The following NNT variants were observed in gnomAD, a reference collection of about 807,000 sequenced individuals.
NNT encodes nicotinamide nucleotide transhydrogenase, also known as NAD(P) transhydrogenase, mitochondrial.
In NNT, 50 loss-of-function variants were observed where a neutral mutation model predicts 104.8. The observed-to-expected ratio is 0.48, with a 90% CI of 0.38 to 0.60. The LOEUF (loss-of-function observed/expected upper bound fraction) is 0.60. NNT is among the 20% of genes least tolerant of loss of function. NNT has a pLI of 0.00. For missense variants in NNT, 1,131 were observed against 1,330.7 expected (o/e 0.85, Z 2.33); for synonymous variants, 461 against 490.4 (o/e 0.94, Z 0.79).
At chr5:43,617,933 A>G (rs899172733) in intron 4 of NNT, among the ~76,000 whole-genome samples, 3 of 152,224 alleles carry the variant, frequency 2.0e-5, no homozygotes, top group Admixed American at 1.3e-4. Flanking sequence ...TATTGTATCA[A>G]GTATTATTAT....
At chr5:43,644,377 T>TG (rs752349007) in intron 8 of NNT, 52 bp downstream of exon 8, 39 of 1,570,404 alleles carry the variant, frequency 2.5e-5, no homozygotes, top group African/African-American at 1.9e-4. Flanking sequence ...TCTTGAGTTA[T>TG]GGGGGGGTGT....
At chr5:43,657,137 A>G (rs1008881135) in intron 16 of NNT, among the ~76,000 whole-genome samples, 3 of 152,220 alleles carry the variant, frequency 2.0e-5, no homozygotes, top group African/African-American at 7.2e-5. Context: ...GGTGCCTACT[A>G]TATGACAAGC....
At chr5:43,609,964 C>G (rs1470865869) in intron 2 of NNT, among the ~76,000 whole-genome samples, 2 of 152,142 alleles carry the variant, frequency 1.3e-5, no homozygotes, top group Non-Finnish European at 2.9e-5. Flanking sequence ...ACCTCTGCCC[C>G]CTACAGTCTG....
chr5:43,651,788 T>C lies in NNT; in HGVS notation c.1767T>C (p.Thr589=). Residue 589 remains threonine (T), a synonymous_variant, in exon 13 of 22, where the codon ACT becomes ACC. Transcript: ENST00000344920. ...QRMLDMFKRP[T]DPPEYNYLYL... ...TGCTGGACATGTTCAAGCGTCCCAC[T>C]GACCCCCCAGAATACAACTACCTGT... The C allele has an allele frequency of 6.2e-7, 1 of 1,614,156 alleles. No individual in the cohort carries two copies. The highest frequency in any genetic ancestry group is 8.5e-7 in the Non-Finnish European group (1 of 1,180,020).
At chr5:43,666,962 G>A (rs1034744995) in intron 17 of NNT, 37 of 1,591,978 alleles carry the variant, frequency 2.3e-5, no homozygotes, top group South Asian at 6.6e-5. Context: ...TCGAGCTTGC[G>A]GCTGACACCC....
chr5:43,704,007 CAG>C (rs1360964446), intron 21 of NNT, among the ~76,000 whole-genome samples: 34 of 152,204 alleles, frequency 2.2e-4, no homozygotes, highest in African/African-American at 7.2e-4. Flanking sequence ...TCTTATCACT[CAG>C]AGATAAATTA....
At position 43,659,339 on chromosome 5, in the gene NNT, A is replaced by T. The variant is rs769461699; in HGVS notation, c.2623A>T (p.Ile875Phe). 6.2e-7 allele frequency: 1 copy of T among 1,609,816 alleles called. No homozygotes were observed. The highest frequency in any genetic ancestry group is 1.1e-5 in the South Asian group (1 of 90,168). ...CTCGTCTGGTGCTATCCTGTCATAC[A>T]TCATGTGTGTGGTAAGAAACAACAC... The part of the protein sequence containing the change: ...IGSSGAILSY[I>F]MCVAMNRSLA... Residue 875 changes from isoleucine (I) to phenylalanine (F), a missense_variant, in exon 17 of 22, where the codon ATC becomes TTC. By Grantham distance (21) the Ile-to-Phe change is conservative. Coordinates refer to ENST00000344920, the MANE Select transcript of NNT (RefSeq NM_182977.3).
intron 20 of NNT, among the ~76,000 whole-genome samples, chr5:43,701,494 T>C (rs12332274): frequency 0.075 from 11,443 of 152,192 alleles, 606 homozygotes; most frequent in East Asian, 0.2. Context: ...TTGATGGACA[T>C]CTAGGTTGAT....
At chr5:43,701,087 C>T (rs1430481961) in intron 20 of NNT, among the ~76,000 whole-genome samples, 1 of 152,014 alleles carries the variant, frequency 6.6e-6, no homozygotes, top group African/African-American at 2.4e-5. Flanking sequence ...AAGGAGTTAT[C>T]TTATTTTATT....
intron 4 of NNT, among the ~76,000 whole-genome samples, chr5:43,616,302 C>T (rs1443125301): frequency 6.6e-6 from 1 of 152,066 alleles, no homozygotes; most frequent in Admixed American, 6.5e-5. Flanking sequence ...AGTAATGTTT[C>T]CATTCACCAA....
intron 7 of NNT, among the ~76,000 whole-genome samples, chr5:43,634,918 G>C (rs145159980): frequency 5.3e-5 from 8 of 152,270 alleles, no homozygotes; most frequent in African/African-American, 1.9e-4. Context: ...CTTTGGTTTG[G>C]TTTGTTATTT....
chr5:43,650,695 C>A, intron 12 of NNT, 108 bp downstream of exon 12: 1 of 762,172 alleles, frequency 1.3e-6, no homozygotes, highest in East Asian at 2.7e-5. Context: ...ATGTTTCACT[C>A]TGACCGTAAA....
At chr5:43,670,588 G>A (rs945870135) in intron 17 of NNT, among the ~76,000 whole-genome samples, 1 of 152,166 alleles carries the variant, frequency 6.6e-6, no homozygotes, top group African/African-American at 2.4e-5. Flanking sequence ...GTAGTTGAGT[G>A]GTTTTCAGTG....
chr5:43,667,640 G>GCA, intron 17 of NNT, among the ~76,000 whole-genome samples: 1 of 152,270 alleles, frequency 6.6e-6, no homozygotes, highest in South Asian at 2.1e-4. Flanking sequence ...GTGTATATGT[G>GCA]CCACATTTTC....
chr5:43,698,174 CTT>C (rs1038877619), intron 19 of NNT, among the ~76,000 whole-genome samples: 3 of 151,232 alleles, frequency 2.0e-5, no homozygotes, highest in African/African-American at 7.3e-5. Flanking sequence ...AATATATAAT[CTT>C]GTATTAAGAC....
rs762798053 is a variant in NNT, at chr5:43,704,305, T to C, written c.3162T>C (p.Asn1054=). Residue 1054 remains asparagine, a synonymous_variant, in exon 22 of 22, where the codon AAT becomes AAC. Coordinates refer to ENST00000344920, the MANE Select transcript of NNT (RefSeq NM_182977.3). ...SLGVGYAAVD[N]PIFYKPNTAM... ...GTGTTGGCTATGCTGCAGTGGACAA[T>C]CCAATCTTCTACAAACCTAACACGG... 16 of 1,609,778 alleles carry C rather than the reference T, an allele frequency of 9.9e-6. No individual in the cohort carries two copies. The highest frequency in any genetic ancestry group is 3.4e-5 in the Admixed American group (2 of 59,342).
At chr5:43,690,176 C>A (rs1466191814) in intron 19 of NNT, among the ~76,000 whole-genome samples, 1 of 151,972 alleles carries the variant, frequency 6.6e-6, no homozygotes, top group East Asian at 1.9e-4. Flanking sequence ...CAAAGAACAC[C>A]TGGAGAATTC....
At chr5:43,625,418 A>G (rs1750309520) in intron 6 of NNT, among the ~76,000 whole-genome samples, 1 of 152,146 alleles carries the variant, frequency 6.6e-6, no homozygotes, top group East Asian at 1.9e-4. Context: ...CAAGTGTACA[A>G]TGAAGAAAGA....
chr5:43,632,150 C>A (rs573167112), intron 7 of NNT, among the ~76,000 whole-genome samples: 1 of 152,258 alleles, frequency 6.6e-6, no homozygotes, highest in Admixed American at 6.5e-5. Flanking sequence ...AAACAATATC[C>A]TTGGCATTAT....
Sources: allele counts gnomAD v4.1 joint callset (sites outside exome capture counted in the v4.1 genomes callset), GRCh38; gene constraint gnomAD v4.1.1; transcripts MANE v1.5; gene names NCBI Gene and HGNC (gene_info 2026-07-23, HGNC 2026-07-21).